Variants in WDR76 observed in about 807,000 individuals in gnomAD.
WDR76 encodes the protein WD repeat domain 76, also known as WD repeat-containing protein 76.
In WDR76, 52 loss-of-function variants were observed where a neutral mutation model predicts 70.2. The observed-to-expected ratio is 0.74, with a 90% CI of 0.59 to 0.93. The LOEUF (loss-of-function observed/expected upper bound fraction) is 0.93, where lower values mean the gene tolerates loss of function less well. Ranked by LOEUF, WDR76 falls within the 40% of genes least tolerant of loss-of-function variation. The pLI is 0.00. For synonymous variants in WDR76, 292 were observed against 271.1 expected, an observed-to-expected ratio of 1.08 and a Z score of -0.76; for missense variants, 756 against 760.2, an observed-to-expected ratio of 0.99 and a Z score of 0.07.
intron 5 of WDR76, 31 bp from the exon 6 acceptor site, chr15:43,842,384 C>T: frequency 1.2e-6 from 2 of 1,600,802 alleles, no homozygotes; most frequent in African/African-American, 1.3e-5. Context: ...GGCAGGGAGC[C>T]CAACAAATAA....
At chr15:43,850,902 A>G (rs944000623) in intron 8 of WDR76, among the ~76,000 whole-genome samples, 185 bp from the exon 9 acceptor site, 5 of 152,222 alleles carry the variant, frequency 3.3e-5, no homozygotes, top group African/African-American at 9.6e-5. Context: ...AAAACTAGAA[A>G]AAAGTTAATG....
rs75178770 is a variant in WDR76, at chr15:43,834,060, C to T, written c.463-1001C>T. ...TTGTCTTTTCTGTTCATGTGTTTAT[C>T]TTTTTGTTCTACTTTCTAAATTTAA... On this transcript the variant is annotated intron_variant, in intron 2 of 12. Transcript: ENST00000263795. Among the ~76,000 whole-genome samples, 444 of 152,142 alleles carry T rather than the reference C, an allele frequency of 2.9e-3. 14 individuals are homozygous for T. The East Asian group carries it at 0.08, about 27-fold the overall frequency.
At chr15:43,829,696 C>G (rs1026929006) in intron 2 of WDR76, among the ~76,000 whole-genome samples, 1 of 151,762 alleles carries the variant, frequency 6.6e-6, no homozygotes, top group African/African-American at 2.4e-5. Flanking sequence ...TCAGTAGAGA[C>G]AGGGTTCCAC....
Position 43,835,106 on chromosome 15 carries a change from A to G in WDR76, c.508A>G (p.Ile170Val), listed in dbSNP as rs770910116. The change falls in exon 3 of 13, where the codon ATA becomes GTA. Residue 170 changes from isoleucine (I) to valine (V), a missense_variant. Ile to Val is a conservative substitution (Grantham distance 29, BLOSUM62 3). Coordinates refer to ENST00000263795, the MANE Select transcript of WDR76 (RefSeq NM_024908.4). ...CTACGAAAGGAAGAGACTGAAGAACATATCAGAAAACGCAGACTTTTTTGC... is the reference window on the plus strand; with the variant it reads ...CTACGAAAGGAAGAGACTGAAGAACGTATCAGAAAACGCAGACTTTTTTGC... The part of the protein sequence containing the change: ...SPYERKRLKN[I>V]SENADFFASL... 9.9e-6 allele frequency: 16 copies of G among 1,614,206 alleles called. No individual in the cohort carries two copies. The highest frequency in any genetic ancestry group is 1.1e-5 in the Non-Finnish European group (13 of 1,180,030).
At chr15:43,833,796 C>T (rs2087621702) in intron 2 of WDR76, among the ~76,000 whole-genome samples, 1 of 151,646 alleles carries the variant, frequency 6.6e-6, no homozygotes, top group South Asian at 2.1e-4. Flanking sequence ...GTCACCACAC[C>T]CGGCTAATTT....
At position 43,828,026 on chromosome 15, in the gene WDR76, C is replaced by G. The variant is rs1311267417; in HGVS notation, c.122C>G (p.Thr41Arg). Residue 41 changes from threonine to arginine, a missense_variant, in exon 2 of 13, where the codon ACA (threonine) becomes AGA (arginine). By Grantham distance (71) the Thr-to-Arg change is moderately conservative. Transcript: ENST00000263795. ...GTGTCTCTGAGACCAGCACAGACTACAGTTTTAATAAAAACAGCTAAGGTC... is the reference window on the plus strand; with the variant it reads ...GTGTCTCTGAGACCAGCACAGACTAGAGTTTTAATAAAAACAGCTAAGGTC... ...AYVSLRPAQTTVLIKTAKVYL... is the reference protein window; with the variant it reads ...AYVSLRPAQTRVLIKTAKVYL... 1.9e-6 allele frequency: 3 copies of G among 1,613,938 alleles called. No homozygotes were observed. The highest frequency in any genetic ancestry group is 1.6e-4 in the Middle Eastern group (1 of 6,082).
chr15:43,848,866 A>T (rs2087820641), intron 8 of WDR76, among the ~76,000 whole-genome samples: 1 of 150,864 alleles, frequency 6.6e-6, no homozygotes, highest in African/African-American at 2.4e-5. Context: ...TGAACCCGGG[A>T]GGCAGAGGTT....
rs1367242826 is a variant in WDR76, at chr15:43,843,934, T to A, written c.912T>A (p.Ser304Arg). ...CCAATTTAAATGGCATGGTCATTAG[T>A]GAAGATACCGTTTACAAAGTTACCA... ...YKANLNGMVI[S>R]EDTVYKVTTG... The change falls in exon 8 of 13, where the codon AGT becomes AGA. Residue 304 changes from serine (S) to arginine (R), a missense_variant. By Grantham distance (110) the Ser-to-Arg change is moderately radical. Coordinates refer to ENST00000263795, the MANE Select transcript of WDR76 (RefSeq NM_024908.4). 6.2e-7 allele frequency: 1 copy of A among 1,606,314 alleles called. No individual in the cohort carries two copies. The highest frequency in any genetic ancestry group is 8.5e-7 in the Non-Finnish European group (1 of 1,175,966).
intron 4 of WDR76, among the ~76,000 whole-genome samples, chr15:43,836,847 A>G (rs896074195): frequency 6.6e-6 from 1 of 151,658 alleles, no homozygotes; most frequent in Non-Finnish European, 1.5e-5. Flanking sequence ...CCTGACCAAC[A>G]TGGAGAAACC....
chr15:43,827,791 C>T (rs543948152), intron 1 of WDR76, among the ~76,000 whole-genome samples, 174 bp from the exon 2 acceptor site: 6 of 152,224 alleles, frequency 3.9e-5, no homozygotes, highest in South Asian at 4.1e-4. Flanking sequence ...GCGATCTGCC[C>T]GATTGGGCCT....
chr15:43,828,409 A>G (rs2087545144), intron 2 of WDR76, 43 bp downstream of exon 2: 1 of 1,534,704 alleles, frequency 6.5e-7, no homozygotes, highest in African/African-American at 1.4e-5. Flanking sequence ...CTCTTTTTTG[A>G]AATTTGAAGT....
chr15:43,860,886 G>C (rs1477677646), intron 11 of WDR76, among the ~76,000 whole-genome samples: 1 of 129,406 alleles, frequency 7.7e-6, no homozygotes, highest in Non-Finnish European at 1.6e-5. Flanking sequence ...TCTTGACCAA[G>C]ATTTGTTAGC....
At chr15:43,848,843 C>T (rs1466079510) in intron 8 of WDR76, among the ~76,000 whole-genome samples, 3 of 151,688 alleles carry the variant, frequency 2.0e-5, no homozygotes, top group Non-Finnish European at 4.4e-5. Context: ...GAAACTAAGG[C>T]AGGAGAATTG....
intron 8 of WDR76, among the ~76,000 whole-genome samples, chr15:43,847,222 A>G (rs1211609908): frequency 6.6e-6 from 1 of 152,058 alleles, no homozygotes; most frequent in Non-Finnish European, 1.5e-5. Flanking sequence ...TAATTTACCT[A>G]TCATAAAATC....
chr15:43,837,337 G>A (rs535436346), intron 4 of WDR76, among the ~76,000 whole-genome samples: 6 of 152,314 alleles, frequency 3.9e-5, no homozygotes, highest in African/African-American at 1.4e-4. Context: ...AGTGTGAAAA[G>A]TTACTATAAG....
At position 43,846,390 on chromosome 15, in the gene WDR76, A is replaced by G. The variant is rs1284592438; in HGVS notation, c.1032+2336A>G. Among the ~76,000 whole-genome samples, 18 of 148,764 alleles carry G rather than the reference A, an allele frequency of 1.2e-4. 2 individuals are homozygous for G. The highest frequency in any genetic ancestry group is 2.4e-4 in the Non-Finnish European group (16 of 66,472). On this transcript the variant is annotated intron_variant, in intron 8 of 12. Coordinates refer to ENST00000263795, the MANE Select transcript of WDR76 (RefSeq NM_024908.4). ...AGCCTCAACTTCCCACGGTCAAGCA[A>G]TTCTCCACCTCAGCTTCCTGCGTAG...
intron 2 of WDR76, among the ~76,000 whole-genome samples, chr15:43,831,820 G>T (rs578255773): frequency 7.2e-5 from 11 of 151,942 alleles, no homozygotes; most frequent in African/African-American, 2.7e-4. Flanking sequence ...CAAATACTTT[G>T]CATATCAGAG....
intron 2 of WDR76, among the ~76,000 whole-genome samples, chr15:43,830,844 G>A (rs1308761341): frequency 6.6e-6 from 1 of 151,794 alleles, no homozygotes; most frequent in Non-Finnish European, 1.5e-5. Context: ...GTCAGGAGTT[G>A]GAGACCAGCC....
In WDR76 at chr15:43,867,035, A is replaced by G. The variant is rs1236928372; in HGVS notation, c.*643A>G. Reference sequence around the variant, plus strand: ...TCTAATGATACAGTTTTGATTCTATAGTAATTTGTGGCTTATTTTATAGTT... The same window carrying G: ...TCTAATGATACAGTTTTGATTCTATGGTAATTTGTGGCTTATTTTATAGTT... On this transcript the variant is annotated 3_prime_UTR_variant, in exon 13 of 13. Coordinates refer to ENST00000263795, the MANE Select transcript of WDR76 (RefSeq NM_024908.4). The G allele has an allele frequency of 2.0e-5, 3 of 152,226 alleles. No individual in the cohort carries two copies. The highest frequency in any genetic ancestry group is 1.3e-4 in the Admixed American group (2 of 15,282). 9.4% of individuals were successfully genotyped at this position (152,226 alleles called of 1,614,324 possible). A position where few individuals can be genotyped will look rare whatever the true frequency, so the allele number is the denominator to read the frequency against.
Sources: gnomAD v4.1 joint callset for allele counts (sites outside exome capture counted in the v4.1 genomes callset) on GRCh38, gnomAD v4.1.1 for gene constraint, MANE v1.5 for transcripts, NCBI Gene and HGNC (gene_info 2026-07-23, HGNC 2026-07-21) for gene names.